The following MCPH1 variants were observed in gnomAD, a reference collection of about 807,000 sequenced individuals.
MCPH1 encodes microcephalin.
A neutral mutation model predicts 84.5 loss-of-function variants in MCPH1; 104 were observed. That is an observed-to-expected ratio of 1.23 (90% CI 1.05 to 1.45). The LOEUF is 1.45. Among genes scored for constraint, MCPH1 ranks in the 40% most tolerant of loss-of-function variants. The pLI is 0.00. For synonymous variants in MCPH1, 514 were observed against 366.8 expected (o/e 1.40, Z -4.58); for missense variants, 1,498 against 1,005.7 (o/e 1.49, Z -6.62).
intron 12 of MCPH1, 159 bp from the exon 13 acceptor site, chr8:6,621,295 C>T: frequency 2.2e-6 from 2 of 908,720 alleles, no homozygotes; most frequent in South Asian, 1.5e-5. Flanking sequence ...ATGTCATCAT[C>T]TTCTCTGGAT....
chr8:6,487,217 A>C (rs1195743091), intron 11 of MCPH1, among the ~76,000 whole-genome samples: 1 of 152,262 alleles, frequency 6.6e-6, no homozygotes, highest in Non-Finnish European at 1.5e-5. Flanking sequence ...GCTAACTATC[A>C]ACAGATAATC....
intron 13 of MCPH1, among the ~76,000 whole-genome samples, chr8:6,640,310 T>A (rs1443113685): frequency 6.6e-6 from 1 of 152,152 alleles, no homozygotes; most frequent in South Asian, 2.1e-4. Flanking sequence ...CAATTTACAC[T>A]ATTACTAACG....
At position 6,444,422 on chromosome 8, in the gene MCPH1, T is replaced by C. The variant is rs1803958539; in HGVS notation, c.700T>C (p.Ser234Pro). Residue 234 changes from serine to proline, a missense_variant, in exon 8 of 14, where the codon TCT becomes CCT. By Grantham distance (74) the Ser-to-Pro change is moderately conservative. Coordinates refer to ENST00000344683, the MANE Select transcript of MCPH1 (RefSeq NM_024596.5). The stretch of plus-strand genomic sequence containing the variant: ...ATACTTTGCTGGTGGCTTACACTCA[T>C]CTTTTGATGATCTTTGTGGAAACTC... Reference protein sequence around the residue: ...DEYFAGGLHSSFDDLCGNSGC... With the variant: ...DEYFAGGLHSPFDDLCGNSGC... 6.2e-7 allele frequency: 1 copy of C among 1,614,194 alleles called. No homozygotes were observed. The highest frequency in any genetic ancestry group is 8.5e-7 in the Non-Finnish European group (1 of 1,180,022).
At chr8:6,441,225 G>A (rs547307392) in intron 6 of MCPH1, among the ~76,000 whole-genome samples, 1 of 152,318 alleles carries the variant, frequency 6.6e-6, no homozygotes, top group Admixed American at 6.5e-5. Flanking sequence ...TGTGTCCCAG[G>A]TGGACATCCA....
At chr8:6,471,247 G>A (rs1409033764) in intron 9 of MCPH1, among the ~76,000 whole-genome samples, 1 of 152,162 alleles carries the variant, frequency 6.6e-6, no homozygotes, top group African/African-American at 2.4e-5. Flanking sequence ...GACTTAGGTG[G>A]CTGGTTATTT....
chr8:6,442,701 T>C (rs886699992), intron 7 of MCPH1, among the ~76,000 whole-genome samples: 1 of 152,238 alleles, frequency 6.6e-6, no homozygotes, highest in African/African-American at 2.4e-5. Flanking sequence ...TTCATGGTCA[T>C]ATCTTCTTCG....
intron 12 of MCPH1, chr8:6,503,268 A>G (rs762948335): frequency 2.5e-6 from 4 of 1,613,956 alleles, no homozygotes; most frequent in Admixed American, 1.7e-5. Context: ...CAGCCTGTGA[A>G]AGTAAAACAC....
intron 12 of MCPH1, among the ~76,000 whole-genome samples, chr8:6,590,466 G>C (rs1828370646): frequency 1.3e-5 from 2 of 152,116 alleles, no homozygotes; most frequent in Non-Finnish European, 2.9e-5. Flanking sequence ...AGCTGAGGAG[G>C]TTGGCAGTTT....
rs1798285327 is a variant in MCPH1 at position 6,647,810 on chromosome 8, C to G, written c.*4761C>G. 6.6e-6 allele frequency: 1 copy of G among 152,172 alleles called. No individual in the cohort carries two copies. Among genetic ancestry groups the G allele is most frequent in the African/African-American group, 2.4e-5 (1 of 41,442 alleles). The allele number at this position is 152,172 out of a possible 1,614,324, so 9.4% of individuals were successfully genotyped here. ...TTGGGATGATGGAAACATTCTAAAA[C>G]TGGATTGTGATTTTGGTTACACAAC... On this transcript the variant is annotated 3_prime_UTR_variant, in exon 14 of 14. Transcript: ENST00000344683.
intron 12 of MCPH1, among the ~76,000 whole-genome samples, chr8:6,556,326 C>G (rs1291649624): frequency 6.6e-6 from 1 of 152,056 alleles, no homozygotes; most frequent in Non-Finnish European, 1.5e-5. Flanking sequence ...TTTGTATATT[C>G]TCCATTTTTT....
chr8:6,526,483 T>G (rs184709329), intron 12 of MCPH1, among the ~76,000 whole-genome samples: 9 of 152,112 alleles, frequency 5.9e-5, no homozygotes, highest in Admixed American at 5.9e-4. Context: ...TTGTTATATC[T>G]CAATGATTGG....
At chr8:6,496,507 C>T (rs1238623473) in intron 11 of MCPH1, among the ~76,000 whole-genome samples, 2 of 152,070 alleles carry the variant, frequency 1.3e-5, no homozygotes, top group Non-Finnish European at 2.9e-5. Flanking sequence ...TTGACTTTCG[C>T]CACACGGAAG....
At chr8:6,636,747 C>T (rs959492525) in intron 13 of MCPH1, among the ~76,000 whole-genome samples, 5 of 152,186 alleles carry the variant, frequency 3.3e-5, no homozygotes. Flanking sequence ...TGGTTTTAGA[C>T]TCTGGTCCTA....
chr8:6,516,755 T>C (rs1412609461), intron 12 of MCPH1, among the ~76,000 whole-genome samples: 1 of 152,238 alleles, frequency 6.6e-6, no homozygotes, highest in East Asian at 1.9e-4. Context: ...GGTGAGCCTA[T>C]CCTTGTTCCA....
chr8:6,538,556 T>C (rs1021107509), intron 12 of MCPH1, among the ~76,000 whole-genome samples: 2 of 152,222 alleles, frequency 1.3e-5, no homozygotes, highest in African/African-American at 4.8e-5. Context: ...GCACTGTCCT[T>C]GGCTGTCCCA....
Position 6,456,289 on chromosome 8 carries a change from A to T in MCPH1, c.1935+1037A>T, listed in dbSNP as rs142599571. On this transcript the variant is annotated intron_variant, in intron 9 of 13. Coordinates refer to ENST00000344683, the MANE Select transcript of MCPH1 (RefSeq NM_024596.5). ...GCAACACCAAGGCACCTGCTCTACA[A>T]TGGCGTTGCGCACTGTGACTCCACT... Among the ~76,000 whole-genome samples the T allele has an allele frequency of 2.2e-3, 331 of 152,290 alleles. 2 individuals are homozygous for T. Among genetic ancestry groups the T allele is most frequent in the African/African-American group, 7.8e-3 (323 of 41,560 alleles).
chr8:6,568,246 G>GCTAGCTGAATGTGGAATGTGGACCCATCA, intron 12 of MCPH1, among the ~76,000 whole-genome samples: 1 of 117,294 alleles, frequency 8.5e-6, no homozygotes, highest in African/African-American at 4.6e-5. Context: ...TGGACCCATC[G>GCTAGCTGAATGTGGAATGTGGACCCATCA]CTAGCTGAAT....
At chr8:6,567,081 C>T (rs1289366029) in intron 12 of MCPH1, among the ~76,000 whole-genome samples, 1 of 148,132 alleles carries the variant, frequency 6.8e-6, no homozygotes, top group Non-Finnish European at 1.5e-5. Context: ...GTGTGGTGAC[C>T]GTGTGTGATC....
intron 12 of MCPH1, among the ~76,000 whole-genome samples, chr8:6,504,260 G>A (rs1360995215): frequency 6.2e-5 from 9 of 146,254 alleles, no homozygotes; most frequent in Non-Finnish European, 1.2e-4. Context: ...GGAGCTTGCA[G>A]TGAGCCGAGA....
Sources: gnomAD v4.1 joint callset for allele counts (sites outside exome capture counted in the v4.1 genomes callset) on GRCh38, gnomAD v4.1.1 for gene constraint, MANE v1.5 for transcripts, NCBI Gene and HGNC (gene_info 2026-07-23, HGNC 2026-07-21) for gene names.